DDX4: variants seen among roughly 807,000 people sequenced by gnomAD.
The protein encoded by DDX4 is probable ATP-dependent RNA helicase DDX4.
In DDX4, 25 loss-of-function variants were observed where a neutral mutation model predicts 100.0. The ratio of observed to expected loss-of-function variants is 0.25; its 90% CI spans 0.18 to 0.35. The LOEUF (loss-of-function observed/expected upper bound fraction) is 0.35, where lower values mean the gene tolerates loss of function less well. Among genes scored for constraint, DDX4 ranks in the 10% least tolerant of loss-of-function variants. The probability of loss-of-function intolerance (pLI) is 1.00; values close to 1 mark genes in which losing one functional copy is unlikely to be tolerated. For synonymous variants in DDX4, 259 were observed against 275.7 expected, an observed-to-expected ratio of 0.94 and a Z score of 0.60; for missense variants, 635 against 882.4, an observed-to-expected ratio of 0.72 and a Z score of 3.55.
intron 3 of DDX4, among the ~76,000 whole-genome samples, chr5:55,757,034 C>T (rs1759982716): frequency 6.6e-6 from 1 of 152,076 alleles, no homozygotes; most frequent in African/African-American, 2.4e-5. Flanking sequence ...TGTATATTTT[C>T]CTTAGGATTG....
intron 17 of DDX4, among the ~76,000 whole-genome samples, chr5:55,794,582 T>G (rs1742805436): frequency 1.3e-5 from 2 of 152,130 alleles, no homozygotes; most frequent in Non-Finnish European, 2.9e-5. Flanking sequence ...AGCCTGACTC[T>G]TTTTAGATTC....
chr5:55,800,483 C>T (rs909210479), intron 18 of DDX4, among the ~76,000 whole-genome samples: 5 of 151,966 alleles, frequency 3.3e-5, no homozygotes, highest in African/African-American at 1.2e-4. Flanking sequence ...GCCACCATAC[C>T]CGGCTAATTT....
chr5:55,745,371 G>A (rs1759196227), intron 2 of DDX4, among the ~76,000 whole-genome samples: 1 of 152,038 alleles, frequency 6.6e-6, no homozygotes, highest in Non-Finnish European at 1.5e-5. Context: ...GACCAGTGTT[G>A]ATTTATTCAT....
chr5:55,738,910 A>G, intron 1 of DDX4, 40 bp from the exon 2 acceptor site: 1 of 1,048,500 alleles, frequency 9.5e-7, no homozygotes, highest in Non-Finnish European at 1.5e-6. Flanking sequence ...ATTCTGATCT[A>G]ATTGAGTCCA....
At chr5:55,767,302 A>G (rs1043268779) in intron 6 of DDX4, among the ~76,000 whole-genome samples, 3 of 152,140 alleles carry the variant, frequency 2.0e-5, no homozygotes, top group African/African-American at 7.2e-5. Context: ...TTAGCCAGGC[A>G]TGGTGGCGCA....
At chr5:55,792,178 A>T (rs1165822993) in intron 16 of DDX4, among the ~76,000 whole-genome samples, 1 of 151,256 alleles carries the variant, frequency 6.6e-6, no homozygotes, top group Admixed American at 6.6e-5. Context: ...AAGTAATTGC[A>T]GAAAGTTTTA....
Position 55,787,936 on chromosome 5 carries a change from A to G in DDX4, c.1108A>G (p.Ile370Val). ...FKELQEPECI[I>V]VAPTRELVNQ... Reference sequence around the variant, plus strand: ...AGAGTTGCAGGAACCAGAGTGTATTATTGTAGCACCAACTCGAGAATTGGT... The same window carrying G: ...AGAGTTGCAGGAACCAGAGTGTATTGTTGTAGCACCAACTCGAGAATTGGT... The change falls in exon 15 of 22, where the codon ATT (isoleucine) becomes GTT (valine). Residue 370 changes from isoleucine to valine, a missense_variant. Transcript: ENST00000505374. 1 of 1,613,910 alleles carries G rather than the reference A, an allele frequency of 6.2e-7. No homozygotes were observed. The highest frequency in any genetic ancestry group is 8.5e-7 in the Non-Finnish European group (1 of 1,179,942).
chr5:55,740,767 A>T (rs1248690530), intron 2 of DDX4, among the ~76,000 whole-genome samples: 1 of 147,516 alleles, frequency 6.8e-6, no homozygotes, highest in Admixed American at 6.9e-5. Context: ...TGATCCTCCC[A>T]CTTTGGCCTC....
At chr5:55,790,808 T>G (rs1742518390) in intron 16 of DDX4, 103 bp downstream of exon 16, 1 of 982,230 alleles carries the variant, frequency 1.0e-6, no homozygotes, top group South Asian at 1.4e-5. Context: ...TAGAGCACTA[T>G]TTATGTGTTA....
chr5:55,810,186 CCT>C (rs896555225), intron 18 of DDX4, among the ~76,000 whole-genome samples: 4 of 152,028 alleles, frequency 2.6e-5, no homozygotes, highest in Non-Finnish European at 4.4e-5. Context: ...CTCACTGCAG[CCT>C]CTGTCTCCTG....
intron 16 of DDX4, among the ~76,000 whole-genome samples, chr5:55,791,077 G>A (rs1742531602): frequency 6.6e-6 from 1 of 152,054 alleles, no homozygotes; most frequent in Admixed American, 6.6e-5. Context: ...CATGTCTTGG[G>A]GAAATAGTTT....
chr5:55,791,153 T>C (rs183972173), intron 16 of DDX4, among the ~76,000 whole-genome samples: 1 of 152,332 alleles, frequency 6.6e-6, no homozygotes, highest in East Asian at 1.9e-4. Context: ...GGGAATGATA[T>C]TAACCAGGAT....
In DDX4 at chr5:55,743,843, T is replaced by A. The variant is rs180883661; in HGVS notation, c.70-2321T>A. On this transcript the variant is annotated intron_variant, in intron 2 of 21. Transcript: ENST00000505374. The stretch of plus-strand genomic sequence containing the variant: ...TATGTGGGATATTAAGTTCCATAGC[T>A]TGAAGCTTAATAATAAGTTTTTCAG... Among the ~76,000 whole-genome samples, 647 of 152,294 alleles carry A rather than the reference T, an allele frequency of 4.2e-3. 1 individual carries two copies. Among genetic ancestry groups the A allele is most frequent in the Non-Finnish European group, 7.7e-3 (523 of 68,036 alleles).
intron 2 of DDX4, among the ~76,000 whole-genome samples, chr5:55,740,378 G>A (rs769119022): frequency 6.6e-6 from 1 of 151,804 alleles, no homozygotes; most frequent in Non-Finnish European, 1.5e-5. Flanking sequence ...TGTTGGCCAG[G>A]CTGGTCTTGA....
At chr5:55,805,563 C>G (rs550839537) in intron 18 of DDX4, among the ~76,000 whole-genome samples, 29 of 152,290 alleles carry the variant, frequency 1.9e-4, no homozygotes, top group African/African-American at 5.8e-4. Context: ...AAGGCCTTTT[C>G]TGCATCTGTT....
chr5:55,793,868 T>C (rs1477918061), intron 17 of DDX4, among the ~76,000 whole-genome samples: 1 of 152,218 alleles, frequency 6.6e-6, no homozygotes, highest in Non-Finnish European at 1.5e-5. Flanking sequence ...AGTGGTGCAG[T>C]ATATATATTA....
chr5:55,757,301 A>T (rs186961342), intron 3 of DDX4, among the ~76,000 whole-genome samples: 46 of 152,296 alleles, frequency 3.0e-4, no homozygotes, highest in Non-Finnish European at 4.3e-4. Context: ...AGTCCATTGT[A>T]TCATTCTTAT....
chr5:55,764,070 G>A lies in DDX4; in HGVS notation c.334+6G>A. 6.2e-7 allele frequency: 1 copy of A among 1,602,650 alleles called. No homozygotes were observed. The highest frequency in any genetic ancestry group is 1.1e-5 in the South Asian group (1 of 90,678). On this transcript the variant is annotated splice_donor_region_variant and intron_variant, in intron 6 of 21. Coordinates refer to ENST00000505374, the MANE Select transcript of DDX4 (RefSeq NM_024415.3). ...TAGCTCTGGTTTCTGGAGAGGTAAG[G>A]TTGATATTTTTGTGTTTTAAAATTT...
chr5:55,809,207 C>T (rs190316932), intron 18 of DDX4, among the ~76,000 whole-genome samples: 303 of 152,304 alleles, frequency 2.0e-3, no homozygotes, highest in African/African-American at 5.1e-3. Flanking sequence ...TTCCAGGTGC[C>T]GTCTGTCACC....
Sources: gnomAD v4.1 joint callset for allele counts (sites outside exome capture counted in the v4.1 genomes callset) on GRCh38, gnomAD v4.1.1 for gene constraint, MANE v1.5 for transcripts, NCBI Gene and HGNC (gene_info 2026-07-23, HGNC 2026-07-21) for gene names.